Variants in OPCML observed in about 807,000 individuals in gnomAD.
OPCML encodes the protein opioid-binding protein/cell adhesion molecule.
Under a neutral mutation model 37.8 loss-of-function variants are expected in OPCML, and 13 were observed. The ratio of observed to expected loss-of-function variants is 0.34; its 90% CI spans 0.22 to 0.55. The LOEUF is 0.55. OPCML is among the 20% of genes least tolerant of loss of function. The pLI, the probability that OPCML is intolerant of heterozygous loss-of-function variation, is 0.91. For synonymous variants in OPCML, 176 were observed against 168.8 expected (o/e 1.04, Z -0.33); for missense variants, 341 against 435.6 (o/e 0.78, Z 1.93).
chr11:133,002,159 G>C (rs1947017770), intron 1 of OPCML, among the ~76,000 whole-genome samples: 1 of 152,120 alleles, frequency 6.6e-6, no homozygotes, highest in African/African-American at 2.4e-5. Context: ...AGAATTCTCG[G>C]GGCCAGGAAT....
chr11:132,636,472 C>A (rs1244956740), intron 3 of OPCML, among the ~76,000 whole-genome samples: 5 of 152,222 alleles, frequency 3.3e-5, no homozygotes, highest in African/African-American at 1.2e-4. Flanking sequence ...TCAGCCTCCT[C>A]TTGGAATACA....
intron 1 of OPCML, among the ~76,000 whole-genome samples, chr11:133,198,882 T>C (rs1032411791): frequency 6.6e-6 from 1 of 152,224 alleles, no homozygotes; most frequent in Non-Finnish European, 1.5e-5. Context: ...CAAGTTTTCT[T>C]CTAATACAGA....
At position 132,687,380 on chromosome 11, in the gene OPCML, A is replaced by ATG. The variant is rs1243080352; in HGVS notation, c.147-30062_147-30061insCA. Among the ~76,000 whole-genome samples the ATG allele has an allele frequency of 2.0e-3, 19 of 9,320 alleles. 2 individuals carry two copies. The highest frequency in any genetic ancestry group is 9.1e-3 in the African/African-American group (18 of 1,974). 6.1% of individuals were successfully genotyped at this position (9,320 alleles called of 152,430 possible). On this transcript the variant is annotated intron_variant, in intron 2 of 7. Transcript: ENST00000524381. ...TCTGCCTTAAGCTACATATATATAT[A>ATG]TATATATATATATATATATATATAT... is the stretch of plus-strand genomic sequence containing the variant.
intron 2 of OPCML, among the ~76,000 whole-genome samples, chr11:132,710,550 T>C (rs1158513453): frequency 2.0e-5 from 3 of 152,158 alleles, no homozygotes; most frequent in Non-Finnish European, 4.4e-5. Flanking sequence ...AGCTTTCATA[T>C]TGACTTTAAA....
chr11:132,461,750 G>T (rs1484214170), intron 4 of OPCML, among the ~76,000 whole-genome samples: 1 of 152,094 alleles, frequency 6.6e-6, no homozygotes, highest in African/African-American at 2.4e-5. Context: ...GAGGCCTCAA[G>T]AAATTTACAA....
At chr11:132,722,802 G>T (rs1944722224) in intron 2 of OPCML, among the ~76,000 whole-genome samples, 1 of 152,152 alleles carries the variant, frequency 6.6e-6, no homozygotes, top group South Asian at 2.1e-4. Flanking sequence ...CTCCCAGGCT[G>T]GCCCTTGCAG....
At chr11:133,238,278 G>C (rs905946572) in intron 1 of OPCML, among the ~76,000 whole-genome samples, 10 of 152,206 alleles carry the variant, frequency 6.6e-5, no homozygotes, top group African/African-American at 2.4e-4. Context: ...ATAGGTGGCT[G>C]TTGGGCACTT....
At chr11:132,658,578 A>G (rs1941815569) in intron 2 of OPCML, among the ~76,000 whole-genome samples, 1 of 152,118 alleles carries the variant, frequency 6.6e-6, no homozygotes, top group Non-Finnish European at 1.5e-5. Context: ...GGAAGAATAA[A>G]AGCAATACCA....
intron 1 of OPCML, chr11:133,024,863 C>T: frequency 1.0e-6 from 1 of 985,396 alleles, no homozygotes; most frequent in Non-Finnish European, 1.2e-6. Flanking sequence ...CATGTCCCTT[C>T]TATGCCAGTG....
intron 2 of OPCML, among the ~76,000 whole-genome samples, chr11:132,817,473 T>C (rs1939700057): frequency 6.6e-6 from 1 of 152,108 alleles, no homozygotes; most frequent in Admixed American, 6.5e-5. Context: ...TTTTTGTCTT[T>C]GGAAAAAAAA....
intron 3 of OPCML, among the ~76,000 whole-genome samples, chr11:132,552,555 A>C (rs562596979): frequency 6.6e-6 from 1 of 152,148 alleles, no homozygotes; most frequent in Admixed American, 6.5e-5. Context: ...CACCCAATGC[A>C]TGTGTTTATT....
chr11:133,006,468 G>A (rs1483589783), intron 1 of OPCML: 2 of 985,216 alleles, frequency 2.0e-6, no homozygotes, highest in African/African-American at 3.5e-5. Flanking sequence ...CTCTTTAAAG[G>A]ATCAAGAAAG....
intron 1 of OPCML, among the ~76,000 whole-genome samples, chr11:133,143,973 C>T (rs755555801): frequency 3.2e-4 from 48 of 152,030 alleles, no homozygotes; most frequent in Middle Eastern, 3.4e-3. Context: ...GCTCATATGG[C>T]CCTTGAGCTC....
chr11:132,649,559 C>A (rs958163413), intron 3 of OPCML, among the ~76,000 whole-genome samples: 1 of 152,050 alleles, frequency 6.6e-6, no homozygotes, highest in Non-Finnish European at 1.5e-5. Flanking sequence ...GACTTGAGAT[C>A]CCTTCCTTTA....
chr11:132,961,141 C>G (rs989761666), intron 1 of OPCML, among the ~76,000 whole-genome samples: 21 of 152,128 alleles, frequency 1.4e-4, no homozygotes, highest in African/African-American at 4.8e-4. Context: ...TAGTGCTGGG[C>G]AGGGAGTCCC....
rs61906919 is a variant in OPCML, at chr11:132,899,027, C to T, written c.146+43899G>A. Among the ~76,000 whole-genome samples the T allele has an allele frequency of 8.3e-3, 1,269 of 152,234 alleles. 10 individuals are homozygous for T. Among genetic ancestry groups the T allele is most frequent in the Middle Eastern group, 0.034 (10 of 294 alleles). ...GGTGTCTCTTAGTATTACCATGCCC[C>T]ATGATCAAGGTCAATGGGAAACTAC... is the stretch of plus-strand genomic sequence containing the variant. On this transcript the variant is annotated intron_variant, in intron 2 of 7. Transcript: ENST00000524381.
In OPCML at chr11:132,567,954, G is replaced by C. The variant is rs141969656; in HGVS notation, c.380-38768C>G. ...CCTGGGAAAATGGCAACATAATTAGGAAGTGCGGGTGTGAGAGTAACTCAG... is the reference window on the plus strand; with the variant it reads ...CCTGGGAAAATGGCAACATAATTAGCAAGTGCGGGTGTGAGAGTAACTCAG... On this transcript the variant is annotated intron_variant, in intron 3 of 7. Coordinates refer to ENST00000524381, the MANE Select transcript of OPCML (RefSeq NM_001012393.5). Among the ~76,000 whole-genome samples the C allele has an allele frequency of 8.2e-3, 1,245 of 152,258 alleles. 4 individuals are homozygous for C. The highest frequency in any genetic ancestry group is 0.041 in the Middle Eastern group (12 of 294).
chr11:132,918,197 C>T, intron 2 of OPCML, among the ~76,000 whole-genome samples: 1 of 152,066 alleles, frequency 6.6e-6, no homozygotes, highest in East Asian at 1.9e-4. Context: ...GTTTTTGTAT[C>T]CCTTTTTTCT....
chr11:133,296,205 C>G (rs1484359415), intron 1 of OPCML, among the ~76,000 whole-genome samples: 2 of 152,192 alleles, frequency 1.3e-5, no homozygotes, highest in African/African-American at 4.8e-5. Flanking sequence ...CCTTTAGCCA[C>G]ATTTGGGTAA....
Sources: gnomAD v4.1 joint callset for allele counts (sites outside exome capture counted in the v4.1 genomes callset) on GRCh38, gnomAD v4.1.1 for gene constraint, MANE v1.5 for transcripts, NCBI Gene and HGNC (gene_info 2026-07-23, HGNC 2026-07-21) for gene names.